Variants in NMBR observed in about 807,000 individuals in gnomAD.
NMBR encodes neuromedin B receptor.
In NMBR, 16 loss-of-function variants were observed where a neutral mutation model predicts 20.5. That is an observed-to-expected ratio of 0.78 (90% CI 0.53 to 1.19). NMBR has a LOEUF of 1.19. Ranked by LOEUF, NMBR falls within the 50% of genes most tolerant of loss-of-function variation. The pLI, the probability that NMBR is intolerant of heterozygous loss-of-function variation, is 0.00. For synonymous variants in NMBR, 212 were observed against 196.6 expected (o/e 1.08, Z -0.65); for missense variants, 582 against 499.1 (o/e 1.17, Z -1.58).
At chr6:142,136,577 A>G (rs976619704) in intron 1 of NMBR, among the ~76,000 whole-genome samples, 3 of 152,150 alleles carry the variant, frequency 2.0e-5, no homozygotes, top group African/African-American at 7.2e-5. Context: ...GCCCATGCCT[A>G]TGTCCTGAAT....
intron 1 of NMBR, among the ~76,000 whole-genome samples, chr6:142,118,083 CTG>C (rs757381563): frequency 2.6e-5 from 4 of 151,930 alleles, no homozygotes; most frequent in Non-Finnish European, 4.4e-5. Flanking sequence ...GAAAAGAAAA[CTG>C]GGCATGCACA....
chr6:142,091,639 T>C (rs1777325122), intron 1 of NMBR, among the ~76,000 whole-genome samples: 1 of 152,114 alleles, frequency 6.6e-6, no homozygotes, highest in Admixed American at 6.6e-5. Flanking sequence ...TTAACATGAT[T>C]CACAGAGACA....
chr6:142,130,136 C>A (rs1582861227), intron 1 of NMBR, among the ~76,000 whole-genome samples: 2 of 152,036 alleles, frequency 1.3e-5, no homozygotes, highest in African/African-American at 4.8e-5. Context: ...TGCTATGTAC[C>A]CCAATAATTT....
At chr6:142,080,183 AT>A (rs555006563) in intron 2 of NMBR, among the ~76,000 whole-genome samples, 26 of 147,464 alleles carry the variant, frequency 1.8e-4, no homozygotes, top group African/African-American at 5.3e-4. Context: ...ACTTTCCATC[AT>A]TTTTTTTCTG....
At position 142,075,421 on chromosome 6, in the gene NMBR, A is replaced by G. The variant is rs1452162671; in HGVS notation, c.*227T>C. ...TGTGTGTGCAAATACATATATATAC[A>G]TATATGTATTATATGTAGTGATTTA... On this transcript the variant is annotated 3_prime_UTR_variant, in exon 4 of 4. Coordinates refer to ENST00000258042, the MANE Select transcript of NMBR (RefSeq NM_002511.4). Among the ~76,000 whole-genome samples the G allele has an allele frequency of 6.6e-6, 1 of 152,106 alleles. No individual in the cohort carries two copies. Among genetic ancestry groups the G allele is most frequent in the Non-Finnish European group, 1.5e-5 (1 of 68,018 alleles).
At chr6:142,146,186 A>G (rs530207606) in intron 1 of NMBR, among the ~76,000 whole-genome samples, 2 of 152,312 alleles carry the variant, frequency 1.3e-5, no homozygotes, top group East Asian at 1.9e-4. Flanking sequence ...GGACTTTGCA[A>G]ATAGGTCTAG....
chr6:142,119,661 C>G lies in NMBR; in HGVS notation c.-664+27383G>C, dbSNP rs529674031. On this transcript the variant is annotated intron_variant, in intron 1 of 3. Coordinates refer to ENST00000258042, the MANE Select transcript of NMBR (RefSeq NM_002511.4). Reference sequence around the variant, plus strand: ...CACAATTTATCTCATTTAATCTTAACGGGAACCCTATGAGGTGTTATTATT... The same window carrying G: ...CACAATTTATCTCATTTAATCTTAAGGGGAACCCTATGAGGTGTTATTATT... Among the ~76,000 whole-genome samples the G allele has an allele frequency of 1.3e-4, 19 of 151,974 alleles. 1 individual carries two copies. The East Asian group carries it at 1.4e-3, about 11-fold the overall frequency.
intron 1 of NMBR, among the ~76,000 whole-genome samples, chr6:142,142,075 T>C (rs1050556573): frequency 6.6e-6 from 1 of 152,182 alleles, no homozygotes; most frequent in African/African-American, 2.4e-5. Context: ...TCCTGAACAA[T>C]GTTAGGTCAA....
At chr6:142,101,907 CA>C (rs1777571999) in intron 1 of NMBR, among the ~76,000 whole-genome samples, 1 of 152,060 alleles carries the variant, frequency 6.6e-6, no homozygotes, top group African/African-American at 2.4e-5. Context: ...CAGTTGAAGA[CA>C]GACCATTCGA....
At chr6:142,081,592 G>A (rs1276717731) in intron 2 of NMBR, among the ~76,000 whole-genome samples, 1 of 152,204 alleles carries the variant, frequency 6.6e-6, no homozygotes, top group East Asian at 1.9e-4. Flanking sequence ...GATTACTGAA[G>A]TGTTATTAGT....
chr6:142,096,327 T>C (rs1777451633), intron 1 of NMBR, among the ~76,000 whole-genome samples: 1 of 152,234 alleles, frequency 6.6e-6, no homozygotes, highest in African/African-American at 2.4e-5. Flanking sequence ...GCTTTAAATG[T>C]GTCCCAGAGA....
intron 1 of NMBR, among the ~76,000 whole-genome samples, chr6:142,109,310 G>A (rs947786933): frequency 2.0e-5 from 3 of 152,040 alleles, no homozygotes; most frequent in Admixed American, 6.6e-5. Context: ...TTGCACCCAT[G>A]GTGAGCACCT....
intron 1 of NMBR, among the ~76,000 whole-genome samples, chr6:142,127,384 T>C (rs969857553): frequency 1.3e-5 from 2 of 152,090 alleles, no homozygotes; most frequent in Non-Finnish European, 2.9e-5. Context: ...TTTTGATTAC[T>C]GTAGTCTTTA....
At chr6:142,138,570 ACTTT>A (rs1178209233) in intron 1 of NMBR, among the ~76,000 whole-genome samples, 5 of 152,290 alleles carry the variant, frequency 3.3e-5, no homozygotes, top group South Asian at 4.1e-4. Context: ...ATATTTATTG[ACTTT>A]CTTTATTTAG....
At chr6:142,104,642 T>C (rs1469556734) in intron 1 of NMBR, among the ~76,000 whole-genome samples, 1 of 152,216 alleles carries the variant, frequency 6.6e-6, no homozygotes, top group Non-Finnish European at 1.5e-5. Context: ...AAACCTGTAC[T>C]CTTTAATGGA....
intron 1 of NMBR, among the ~76,000 whole-genome samples, chr6:142,131,189 T>C (rs1778135410): frequency 6.6e-6 from 1 of 152,196 alleles, no homozygotes; most frequent in Admixed American, 6.5e-5. Flanking sequence ...TCAATCTTAA[T>C]TCTATAATTA....
At chr6:142,118,036 T>G (rs1777882126) in intron 1 of NMBR, among the ~76,000 whole-genome samples, 1 of 151,800 alleles carries the variant, frequency 6.6e-6, no homozygotes, top group African/African-American at 2.4e-5. Context: ...CAAAAACCAT[T>G]GATTATTAGA....
intron 3 of NMBR, among the ~76,000 whole-genome samples, chr6:142,078,125 G>T (rs1444518571): frequency 6.6e-6 from 1 of 152,088 alleles, no homozygotes; most frequent in Non-Finnish European, 1.5e-5. Context: ...CAAGATCCCA[G>T]GCAGTGTCCT....
At chr6:142,113,233 A>G (rs1777802968) in intron 1 of NMBR, among the ~76,000 whole-genome samples, 2 of 152,134 alleles carry the variant, frequency 1.3e-5, no homozygotes, top group Admixed American at 6.6e-5. Flanking sequence ...TCTCATTCCT[A>G]TAAAATAGAC....
Sources: gnomAD v4.1 joint callset for allele counts (sites outside exome capture counted in the v4.1 genomes callset) on GRCh38, gnomAD v4.1.1 for gene constraint, MANE v1.5 for transcripts, NCBI Gene and HGNC (gene_info 2026-07-23, HGNC 2026-07-21) for gene names.